LPIN2: variants seen among roughly 807,000 people sequenced by gnomAD.
LPIN2 encodes the protein phosphatidate phosphatase LPIN2.
LPIN2 carries 55 observed loss-of-function variants against 111.4 expected under a neutral mutation model. That is an observed-to-expected ratio of 0.49 (90% CI 0.40 to 0.62). LPIN2 has a LOEUF of 0.62. LPIN2 is among the 20% of genes least tolerant of loss of function. The pLI is 0.00. For synonymous variants in LPIN2, 425 were observed against 414.0 expected, an observed-to-expected ratio of 1.03 and a Z score of -0.32; for missense variants, 992 against 1,112.1, an observed-to-expected ratio of 0.89 and a Z score of 1.54.
chr18:2,926,923 T>C, intron 12 of LPIN2, 118 bp from the exon 13 acceptor site: 1 of 793,302 alleles, frequency 1.3e-6, no homozygotes, highest in Non-Finnish European at 2.1e-6. Flanking sequence ...AACTTAAAAA[T>C]GCTCAAAAAC....
Position 2,923,672 on chromosome 18 carries a change from A to G in LPIN2, c.2174+103T>C. On this transcript the variant is annotated intron_variant, in intron 16 of 19. Coordinates refer to ENST00000677752, the MANE Select transcript of LPIN2 (RefSeq NM_001375808.2). ...AGGAAGAGCGGGAATGCTTCAGCAT[A>G]AACACATGACTCATGTGGACTGAAG... is the stretch of plus-strand genomic sequence containing the variant. 4.0e-6 allele frequency: 4 copies of G among 995,296 alleles called. No individual in the cohort carries two copies. The South Asian group carries it at 5.1e-5, about 13-fold the overall frequency. The allele number at this position is 995,296 out of a possible 1,614,324, so 61.7% of individuals were successfully genotyped here. A position where few individuals can be genotyped will look rare whatever the true frequency, so the allele number is the denominator to read the frequency against.
At chr18:2,966,046 C>A (rs939896036) in intron 1 of LPIN2, among the ~76,000 whole-genome samples, 2 of 152,066 alleles carry the variant, frequency 1.3e-5, no homozygotes, top group Non-Finnish European at 2.9e-5. Flanking sequence ...AGCGATGCTC[C>A]CACCTTGGCC....
chr18:3,003,212 G>GTATC lies in LPIN2; in HGVS notation c.-10+9871_-10+9874dup, dbSNP rs143066241. ...TGAAAGGTTCTTCATCAGAGCTGATGTATCATTCATTTATTCAATTACACT... is the reference window on the plus strand; with the variant it reads ...TGAAAGGTTCTTCATCAGAGCTGATGTATCTATCATTCATTTATTCAATTACACT... On this transcript the variant is annotated intron_variant, in intron 1 of 19. Coordinates refer to ENST00000677752, the MANE Select transcript of LPIN2 (RefSeq NM_001375808.2). 1.4e-3 allele frequency among the ~76,000 whole-genome samples: 212 copies of GTATC among 152,336 alleles called. 1 individual carries two copies. The East Asian group carries it at 0.035, about 25-fold the overall frequency.
In LPIN2 at chr18:3,010,309, G is replaced by C. The variant is rs557069978; in HGVS notation, c.-10+2778C>G. The stretch of plus-strand genomic sequence containing the variant: ...TCAAATGTCTTATTACCAAGGTATA[G>C]CCATAAAACTTACTGCTCCAGGCTA... On this transcript the variant is annotated intron_variant, in intron 1 of 19. Coordinates refer to ENST00000677752, the MANE Select transcript of LPIN2 (RefSeq NM_001375808.2). Among the ~76,000 whole-genome samples the C allele has an allele frequency of 2.6e-5, 4 of 152,270 alleles. No individual in the cohort carries two copies. The South Asian group carries it at 8.3e-4, about 32-fold the overall frequency.
intron 1 of LPIN2, among the ~76,000 whole-genome samples, chr18:2,993,913 C>T (rs755664005): frequency 6.6e-6 from 1 of 152,148 alleles, no homozygotes; most frequent in African/African-American, 2.4e-5. Context: ...TCTGAGGATC[C>T]GATGGAACCC....
rs772412412 is a variant in LPIN2 at position 2,927,767 on chromosome 18, A to T, written c.1665T>A (p.Ser555=). ...SWVKDKMPKK[S]GRWWFWRKRE... Reference sequence around the variant, plus strand: ...TCTTTCGCCAAAACCACCAGCGACCAGATTTCTTTGGCATCTTGTCTTTCA... The same window carrying T: ...TCTTTCGCCAAAACCACCAGCGACCTGATTTCTTTGGCATCTTGTCTTTCA... The change falls in exon 12 of 20, where the codon TCT becomes TCA. Residue 555 remains serine, a synonymous_variant. Coordinates refer to ENST00000677752, the MANE Select transcript of LPIN2 (RefSeq NM_001375808.2). The T allele has an allele frequency of 1.4e-5, 23 of 1,614,198 alleles. No individual in the cohort carries two copies. The highest frequency in any genetic ancestry group is 1.9e-5 in the Non-Finnish European group (23 of 1,180,036).
intron 1 of LPIN2, chr18:2,967,120 T>A (rs1489961124): frequency 6.6e-6 from 1 of 152,144 alleles, no homozygotes; most frequent in Non-Finnish European, 1.5e-5. Context: ...AAAGAGAATG[T>A]GGGTTATGCT....
intron 1 of LPIN2, chr18:2,982,709 T>C: frequency 7.7e-7 from 1 of 1,303,716 alleles, no homozygotes; most frequent in South Asian, 1.2e-5. Context: ...ACATCTTGAG[T>C]TTTACTTAAT....
chr18:2,927,487 G>A (rs2077151290), intron 12 of LPIN2, among the ~76,000 whole-genome samples: 1 of 152,170 alleles, frequency 6.6e-6, no homozygotes, highest in South Asian at 2.1e-4. Context: ...ACTTCGTGAA[G>A]CACCCAAGTT....
In LPIN2 at chr18:2,994,876, T is replaced by C. The variant is rs188009736; in HGVS notation, c.-10+18211A>G. ...TAAACAGATGGTATATGGCCCTGTATTGATAAGCCTGTTCTGACTGGGTCC... is the reference window on the plus strand; with the variant it reads ...TAAACAGATGGTATATGGCCCTGTACTGATAAGCCTGTTCTGACTGGGTCC... On this transcript the variant is annotated intron_variant, in intron 1 of 19. Transcript: ENST00000677752. Among the ~76,000 whole-genome samples the C allele has an allele frequency of 5.6e-4, 85 of 152,266 alleles. 1 individual carries two copies. Among genetic ancestry groups the C allele is most frequent in the African/African-American group, 1.8e-3 (73 of 41,568 alleles).
chr18:2,953,280 C>T (rs969592149), intron 3 of LPIN2, among the ~76,000 whole-genome samples: 1 of 152,026 alleles, frequency 6.6e-6, no homozygotes, highest in South Asian at 2.1e-4. Flanking sequence ...CCAGTCCTCT[C>T]GCTTACGGTG....
chr18:2,966,243 T>C (rs939397267), intron 1 of LPIN2, among the ~76,000 whole-genome samples: 1 of 152,208 alleles, frequency 6.6e-6, no homozygotes, highest in African/African-American at 2.4e-5. Flanking sequence ...GGCCTCAAAA[T>C]GGATACATTC....
rs1598514833 is a variant in LPIN2 at position 2,918,975 on chromosome 18, G to C, written c.*1318C>G. 6.6e-6 allele frequency: 1 copy of C among 152,162 alleles called. No individual in the cohort carries two copies. Among genetic ancestry groups the C allele is most frequent in the Non-Finnish European group, 1.5e-5 (1 of 68,034 alleles). The allele number at this position is 152,162 out of a possible 1,614,324, so 9.4% of individuals were successfully genotyped here. A position where few individuals can be genotyped will look rare whatever the true frequency, so the allele number is the denominator to read the frequency against. ...CCAATGGAGACCAAGACCTGGGGTT[G>C]GTTCTGGGCTCCTGACAGTTCTCTT... is the stretch of plus-strand genomic sequence containing the variant. On this transcript the variant is annotated 3_prime_UTR_variant, in exon 20 of 20. Coordinates refer to ENST00000677752, the MANE Select transcript of LPIN2 (RefSeq NM_001375808.2).
chr18:2,952,232 G>C (rs1291861765), intron 3 of LPIN2, among the ~76,000 whole-genome samples: 1 of 152,180 alleles, frequency 6.6e-6, no homozygotes, highest in Non-Finnish European at 1.5e-5. Context: ...TTTGAGACCA[G>C]CCTGGCTAAC....
At position 2,918,201 on chromosome 18, in the gene LPIN2, G is replaced by A. The variant is rs917729686; in HGVS notation, c.*2092C>T. 1 of 152,178 alleles carries A rather than the reference G, an allele frequency of 6.6e-6. No individual in the cohort carries two copies. Among genetic ancestry groups the A allele is most frequent in the African/African-American group, 2.4e-5 (1 of 41,448 alleles). The allele number at this position is 152,178 out of a possible 1,614,324, so 9.4% of individuals were successfully genotyped here. On this transcript the variant is annotated 3_prime_UTR_variant, in exon 20 of 20. Transcript: ENST00000677752. ...AGAGGGACCAGCTACCCTCAACACAGGGCCAGGAGAGCCGGGTCCTAGACT... is the reference window on the plus strand; with the variant it reads ...AGAGGGACCAGCTACCCTCAACACAAGGCCAGGAGAGCCGGGTCCTAGACT...
At chr18:2,954,258 T>A (rs746132471) in intron 3 of LPIN2, among the ~76,000 whole-genome samples, 1 of 152,200 alleles carries the variant, frequency 6.6e-6, no homozygotes, top group African/African-American at 2.4e-5. Context: ...TGCCTTCCCT[T>A]AGAAAAAGTG....
chr18:2,944,016 A>T (rs896754297), intron 4 of LPIN2, among the ~76,000 whole-genome samples: 1 of 152,172 alleles, frequency 6.6e-6, no homozygotes, highest in Non-Finnish European at 1.5e-5. Context: ...ACCCCTTTTA[A>T]TTTTAAATCT....
In LPIN2 at chr18:2,958,114, C is replaced by G. The variant is rs1260485671; in HGVS notation, c.192+2535G>C. Among the ~76,000 whole-genome samples the G allele has an allele frequency of 3.9e-5, 4 of 102,178 alleles. No homozygotes were observed. In the East Asian group the frequency reaches 1.4e-3, roughly 36 times the overall value. The allele number at this position is 102,178 out of a possible 152,430, so 67.0% of individuals were successfully genotyped here. ...CAGAGATCGCCCCACTGCACTCCAG[C>G]TTGGGCGACAAAGCGAGACTCCATC... is the stretch of plus-strand genomic sequence containing the variant. On this transcript the variant is annotated intron_variant, in intron 2 of 19. Coordinates refer to ENST00000677752, the MANE Select transcript of LPIN2 (RefSeq NM_001375808.2).
At chr18:2,957,925 T>TG (rs1214704725) in intron 2 of LPIN2, among the ~76,000 whole-genome samples, 1 of 151,512 alleles carries the variant, frequency 6.6e-6, no homozygotes, top group African/African-American at 2.4e-5. Flanking sequence ...CCAAGGCGGG[T>TG]GGATTACCTG....
Sources: allele counts gnomAD v4.1 joint callset (sites outside exome capture counted in the v4.1 genomes callset), GRCh38; gene constraint gnomAD v4.1.1; transcripts MANE v1.5; gene names NCBI Gene and HGNC (gene_info 2026-07-23, HGNC 2026-07-21).